The following GALNT9 variants were observed in gnomAD, a reference collection of about 807,000 sequenced individuals.
The protein encoded by GALNT9 is polypeptide N-acetylgalactosaminyltransferase 9, also known as GalNAc transferase 9.
A neutral mutation model predicts 63.1 loss-of-function variants in GALNT9; 47 were observed. The observed-to-expected ratio is 0.75, with a 90% CI of 0.59 to 0.95. The LOEUF (loss-of-function observed/expected upper bound fraction) is 0.95, where lower values mean the gene tolerates loss of function less well. Among genes scored for constraint, GALNT9 ranks in the 40% least tolerant of loss-of-function variants. The pLI is 0.00. For missense variants in GALNT9, 829 were observed against 874.8 expected, an observed-to-expected ratio of 0.95 and a Z score of 0.66; for synonymous variants, 396 against 365.7, an observed-to-expected ratio of 1.08 and a Z score of -0.94.
chr12:132,274,955 T>C (rs985721235), intron 2 of GALNT9: 3 of 152,380 alleles, frequency 2.0e-5, no homozygotes, highest in Non-Finnish European at 4.4e-5. Flanking sequence ...CAGCAGGGGC[T>C]GTTCCCATCA....
At chr12:132,233,335 C>T (rs1877918272) in intron 6 of GALNT9, among the ~76,000 whole-genome samples, 2 of 13,320 alleles carry the variant, frequency 1.5e-4, no homozygotes, top group Non-Finnish European at 2.7e-4. Context: ...CTCGATGGGG[C>T]GACAGAGGAG....
At chr12:132,289,311 G>A (rs113369679) in intron 1 of GALNT9, among the ~76,000 whole-genome samples, 4,122 of 152,066 alleles carry the variant, frequency 0.027, 99 homozygotes, top group Non-Finnish European at 0.042. Flanking sequence ...ATCTTTTGTC[G>A]TGCCATGTTG....
At chr12:132,257,498 ATGCCCTCATCC>A (rs1879173011) in intron 5 of GALNT9, among the ~76,000 whole-genome samples, 180 bp downstream of exon 5, 1 of 5,614 alleles carries the variant, frequency 1.8e-4, no homozygotes, top group African/African-American at 3.5e-4. Context: ...CCTCGTCCTC[ATGCCCTCATCC>A]CCACGCCCTC....
Position 132,249,988 on chromosome 12 carries a change from G to A in GALNT9, c.960-1961C>T, listed in dbSNP as rs192601874. On this transcript the variant is annotated intron_variant, in intron 5 of 10. Coordinates refer to ENST00000328957, the MANE Select transcript of GALNT9 (RefSeq NM_001122636.2). ...ACCTGCCCTCCAGTTCTCAGCTTCC[G>A]GGGCCTTAGTCCAGCCGGACGCCTC... 2.6e-5 allele frequency among the ~76,000 whole-genome samples: 4 copies of A among 151,372 alleles called. No homozygotes were observed. The East Asian group carries it at 5.8e-4, about 22-fold the overall frequency.
Position 132,203,707 on chromosome 12 carries a change from C to T in GALNT9, c.1078-17G>A. On this transcript the variant is annotated splice_polypyrimidine_tract_variant and intron_variant, in intron 6 of 10. Coordinates refer to ENST00000328957, the MANE Select transcript of GALNT9 (RefSeq NM_001122636.2). ...CTGCCACACCTGCGGGGAGACGGCG[C>T]TGGGTGCCGGCGTCCTTCCCAACGG... 6.2e-7 allele frequency: 1 copy of T among 1,607,284 alleles called. No homozygotes were observed. The highest frequency in any genetic ancestry group is 8.5e-7 in the Non-Finnish European group (1 of 1,178,812).
In GALNT9 at chr12:132,197,151, G is replaced by A. The variant is rs1875563985; in HGVS notation, c.1768C>T (p.Gln590Ter). 1 of 1,614,030 alleles carries A rather than the reference G, an allele frequency of 6.2e-7. No homozygotes were observed. The highest frequency in any genetic ancestry group is 8.5e-7 in the Non-Finnish European group (1 of 1,180,030). ...ATCCAGTTTCTGATCATCCACTTCT[G>A]CCCCGAGCACCTCTGTACCACCAGC... is the stretch of plus-strand genomic sequence containing the variant. ...LRLVVQRCSG[Q>*]KWMIRNWIKH... The change falls in exon 11 of 11, where the codon CAG becomes TAG. Residue 590 changes from glutamine to a stop codon, truncating the protein, a stop_gained. Coordinates refer to ENST00000328957, the MANE Select transcript of GALNT9 (RefSeq NM_001122636.2). LOFTEE classifies it high-confidence loss of function.
At position 132,245,911 on chromosome 12, in the gene GALNT9, C is replaced by T. The variant is rs922671820; in HGVS notation, c.1077+1999G>A. Among the ~76,000 whole-genome samples the T allele has an allele frequency of 1.3e-5, 2 of 152,210 alleles. No individual in the cohort carries two copies. The highest frequency in any genetic ancestry group is 3.2e-3 in the Middle Eastern group (1 of 316). On this transcript the variant is annotated intron_variant, in intron 6 of 10. Transcript: ENST00000328957. This position sits in a 1 kb window ranked among gnomAD's most constrained non-coding sequence, Gnocchi z 6.3. ...GACCACATCTGCTGGGTGCCCTCCA[C>T]CCCAGGGGTCCCGTCCTCCCTCGCT...
At chr12:132,239,440 T>A (rs1476795722) in intron 6 of GALNT9, among the ~76,000 whole-genome samples, 802 of 54,380 alleles carry the variant, frequency 0.015, no homozygotes, top group Middle Eastern at 0.026. Flanking sequence ...AGAGACAGAG[T>A]CAGAGACAGA....
rs545762625 is a variant in GALNT9, at chr12:132,301,581, G to A, written c.239-15151C>T. 3.3e-5 allele frequency among the ~76,000 whole-genome samples: 5 copies of A among 152,344 alleles called. No homozygotes were observed. In the South Asian group the frequency reaches 6.2e-4, roughly 19 times the overall value. Reference sequence around the variant, plus strand: ...AGGGATGGCTGTGCGAACATTCACCGCCGGCACAGCAGGAGGACTGCCTGG... The same window carrying A: ...AGGGATGGCTGTGCGAACATTCACCACCGGCACAGCAGGAGGACTGCCTGG... On this transcript the variant is annotated intron_variant, in intron 1 of 10. Transcript: ENST00000328957.
chr12:132,286,309 G>A lies in GALNT9; in HGVS notation c.360C>T (p.Asn120=), dbSNP rs782570972. The change falls in exon 2 of 11, where the codon AAC becomes AAT. Residue 120 remains asparagine (N), a synonymous_variant. Transcript: ENST00000328957. This position sits in a 1 kb window ranked among gnomAD's most constrained non-coding sequence, Gnocchi z 7.4. The part of the protein sequence containing the change: ...AEGKYEEYGY[N]AQLSDRISLD... The stretch of plus-strand genomic sequence containing the variant: ...GGGAGATGCGGTCGCTGAGCTGAGC[G>A]TTGTAGCCGTACTCCTCATACTTGC... 3.5e-5 allele frequency: 55 copies of A among 1,551,192 alleles called. No individual in the cohort carries two copies. Among genetic ancestry groups the A allele is most frequent in the African/African-American group, 1.8e-4 (13 of 73,154 alleles).
intron 2 of GALNT9, chr12:132,284,312 G>GCA (rs140296968): frequency 1.1e-4 from 17 of 150,552 alleles, no homozygotes; most frequent in Admixed American, 2.0e-4. Flanking sequence ...GCGCGCGCAC[G>GCA]CACACACACA....
chr12:132,269,978 AC>A (rs1304311084), intron 2 of GALNT9, among the ~76,000 whole-genome samples: 1 of 152,222 alleles, frequency 6.6e-6, no homozygotes, highest in African/African-American at 2.4e-5. Context: ...CCCCCAGGTG[AC>A]TTCGGTCTCC....
At chr12:132,209,477 G>A (rs1876864394) in intron 6 of GALNT9, among the ~76,000 whole-genome samples, 1 of 152,148 alleles carries the variant, frequency 6.6e-6, no homozygotes, top group Admixed American at 6.6e-5. Flanking sequence ...TTGAACTTGG[G>A]AAGCAAAGGT....
chr12:132,197,750 G>GCCCCCCCCCCAACCCAC, intron 10 of GALNT9, 42 bp downstream of exon 10: 1 of 1,266,538 alleles, frequency 7.9e-7, no homozygotes, highest in Non-Finnish European at 1.1e-6. Flanking sequence ...CAGCAGCCCT[G>GCCCCCCCCCCAACCCAC]CCCCGCCCCA....
intron 6 of GALNT9, among the ~76,000 whole-genome samples, chr12:132,216,457 C>T (rs185185089): frequency 7.2e-5 from 11 of 152,342 alleles, no homozygotes; most frequent in African/African-American, 2.4e-4. Context: ...GTGGCACAGC[C>T]GCAGGCCCAG....
rs1868523204 is a variant in GALNT9 at position 132,316,628 on chromosome 12, T to C, written c.238+12338A>G. Among the ~76,000 whole-genome samples the C allele has an allele frequency of 6.6e-6, 1 of 151,846 alleles. No homozygotes were observed. The highest frequency in any genetic ancestry group is 2.1e-4 in the South Asian group (1 of 4,816). On this transcript the variant is annotated intron_variant, in intron 1 of 10. Coordinates refer to ENST00000328957, the MANE Select transcript of GALNT9 (RefSeq NM_001122636.2). The surrounding 1 kb of genome is among the most constrained non-coding windows in gnomAD (Gnocchi z 4.3). The stretch of plus-strand genomic sequence containing the variant: ...TCCTCCTGCCAGGGTGTGTCCCTGC[T>C]CTCTTTCCTCCGCTTCAGCAAATTC...
intron 1 of GALNT9, among the ~76,000 whole-genome samples, chr12:132,326,164 C>T (rs1221296937): frequency 6.6e-6 from 1 of 151,680 alleles, no homozygotes; most frequent in Non-Finnish European, 1.5e-5. Flanking sequence ...GCCCAGACAA[C>T]TGAATGGAGA....
At chr12:132,323,034 T>C (rs948091577) in intron 1 of GALNT9, among the ~76,000 whole-genome samples, 11 of 152,206 alleles carry the variant, frequency 7.2e-5, no homozygotes, top group Non-Finnish European at 1.6e-4. Flanking sequence ...TCCACCTCCT[T>C]GTCCCTTCAC....
chr12:132,197,738 C>T, intron 10 of GALNT9, 54 bp downstream of exon 10: 2 of 1,331,378 alleles, frequency 1.5e-6, no homozygotes, highest in Non-Finnish European at 2.1e-6. Flanking sequence ...ACCCAGGGGT[C>T]CCAGCAGCCC....
Sources: allele counts gnomAD v4.1 joint callset (sites outside exome capture counted in the v4.1 genomes callset), GRCh38; gene constraint gnomAD v4.1.1; non-coding constraint Gnocchi (gnomAD v3.1); transcripts MANE v1.5; gene names NCBI Gene and HGNC (gene_info 2026-07-23, HGNC 2026-07-21).